The following ATOH1 variants were observed in gnomAD, a reference collection of about 807,000 sequenced individuals.
ATOH1 encodes transcription factor ATOH1.
A neutral mutation model predicts 20.7 loss-of-function variants in ATOH1; 9 were observed. That is an observed-to-expected ratio of 0.44 (90% CI 0.26 to 0.76). The LOEUF is 0.76. Ranked by LOEUF, ATOH1 falls within the 30% of genes least tolerant of loss-of-function variation. ATOH1 has a pLI of 0.20. For missense variants in ATOH1, 516 were observed against 479.3 expected (o/e 1.08, Z -0.71); for synonymous variants, 247 against 214.3 (o/e 1.15, Z -1.33).
At position 93,829,145 on chromosome 4, in the gene ATOH1, C is replaced by A. The variant is rs909352484; in HGVS notation, c.219C>A (p.Cys73Ter). The A allele has an allele frequency of 6.2e-7, 1 of 1,601,264 alleles. No homozygotes were observed. The highest frequency in any genetic ancestry group is 1.1e-5 in the South Asian group (1 of 89,746). ...TGGCTCCCACTTTGCAGGGCATCTGCACGGCACGCGCCGCCCAGTATTTGC... is the reference window on the plus strand; with the variant it reads ...TGGCTCCCACTTTGCAGGGCATCTGAACGGCACGCGCCGCCCAGTATTTGC... The part of the protein sequence containing the change: ...AWLAPTLQGI[C>*]TARAAQYLLH... Residue 73 changes from cysteine (C) to a stop codon, truncating the protein, a stop_gained, in exon 1 of 1, where the codon TGC becomes TGA. Transcript: ENST00000306011. LOFTEE classifies it high-confidence loss of function. This position sits in a 1 kb window ranked among gnomAD's most constrained non-coding sequence, Gnocchi z 4.5.
chr4:93,829,797 G>A lies in ATOH1; in HGVS notation c.871G>A (p.Ala291Thr), dbSNP rs147620158. 361 of 1,613,224 alleles carry A rather than the reference G, an allele frequency of 2.2e-4. 5 individuals carry two copies. Among genetic ancestry groups the A allele is most frequent in the Middle Eastern group, 1.6e-4 (1 of 6,084 alleles). The change falls in exon 1 of 1, where the codon GCT becomes ACT. Residue 291 changes from alanine to threonine, a missense_variant. Physicochemically the swap from Ala to Thr is moderately conservative, Grantham distance 58. Transcript: ENST00000306011. This position sits in a 1 kb window ranked among gnomAD's most constrained non-coding sequence, Gnocchi z 4.5. ...SAGGYSVQLD[A>T]LHFSTFEDSA... Reference sequence around the variant, plus strand: ...GGGAGGGTACTCGGTGCAGCTGGACGCTCTGCACTTCTCGACTTTCGAGGA... The same window carrying A: ...GGGAGGGTACTCGGTGCAGCTGGACACTCTGCACTTCTCGACTTTCGAGGA...
At position 93,830,365 on chromosome 4, in the gene ATOH1, T is replaced by C. The variant is rs578065567; in HGVS notation, c.*374T>C. 1.6e-5 allele frequency: 3 copies of C among 188,666 alleles called. No individual in the cohort carries two copies. The highest frequency in any genetic ancestry group is 3.6e-5 in the Non-Finnish European group (3 of 82,944). The allele number at this position is 188,666 out of a possible 1,614,324, so 11.7% of individuals were successfully genotyped here. ...ATCTTCTCTGTCACTGGTTTGGGTT[T>C]AATTTATTTTACGCCCTGGGCATCC... On this transcript the variant is annotated 3_prime_UTR_variant, in exon 1 of 1. Transcript: ENST00000306011.
At position 93,829,269 on chromosome 4, in the gene ATOH1, A is replaced by G. The variant is rs1030719508; in HGVS notation, c.343A>G (p.Ser115Gly). 6.2e-7 allele frequency: 1 copy of G among 1,601,878 alleles called. No homozygotes were observed. Among genetic ancestry groups the G allele is most frequent in the African/African-American group, 1.3e-5 (1 of 74,806 alleles). Residue 115 changes from serine to glycine, a missense_variant, in exon 1 of 1, where the codon AGC becomes GGC. Transcript: ENST00000306011. The surrounding 1 kb of genome is among the most constrained non-coding windows in gnomAD (Gnocchi z 4.5). ...AAGGAGGAGCAGCGGCGGTGCCAGC[A>G]GCAGCAAGAGCCCCGGGCCGGTGAA... Reference protein sequence around the residue: ...LVRRSSGGASSSKSPGPVKVR... With the variant: ...LVRRSSGGASGSKSPGPVKVR...
chr4:93,830,282 C>G lies in ATOH1; in HGVS notation c.*291C>G, dbSNP rs913618055. 3.5e-5 allele frequency: 13 copies of G among 370,252 alleles called. No individual in the cohort carries two copies. In the South Asian group the frequency reaches 7.8e-4, roughly 22 times the overall value. 22.9% of individuals were successfully genotyped at this position (370,252 alleles called of 1,614,324 possible). On this transcript the variant is annotated 3_prime_UTR_variant, in exon 1 of 1. Transcript: ENST00000306011. The stretch of plus-strand genomic sequence containing the variant: ...GATAGATACGGTATAATTGTAGGTA[C>G]CCGTATATGGCATCATTATTCTAGT...
At position 93,828,934 on chromosome 4, in the gene ATOH1, G is replaced by T. The variant is rs1308986937; in HGVS notation, c.8G>T (p.Arg3Leu). MS[R>L]LLHAEEWAEV... ...CCGAGCCTTTGCAGTGCAATGTCCC[G>T]CCTGCTGCATGCAGAAGAGTGGGCT... Residue 3 changes from arginine to leucine, a missense_variant, in exon 1 of 1, where the codon CGC (arginine) becomes CTC (leucine). Arg to Leu is a moderately radical substitution (Grantham distance 102, BLOSUM62 -2). Transcript: ENST00000306011. The T allele has an allele frequency of 1.3e-6, 2 of 1,594,098 alleles. No individual in the cohort carries two copies. Among genetic ancestry groups the T allele is most frequent in the Non-Finnish European group, 8.6e-7 (1 of 1,169,208 alleles).
rs573894468 is a variant in ATOH1, at chr4:93,829,664, G to C, written c.738G>C (p.Gly246=). The change falls in exon 1 of 1, where the codon GGG becomes GGC. Residue 246 remains glycine, a synonymous_variant. Transcript: ENST00000306011. The surrounding 1 kb of genome is among the most constrained non-coding windows in gnomAD (Gnocchi z 4.5). ...TTCGCACCGCGGCCTCCTATGAAGG[G>C]GGCGCGGGCAACGCGACCGCAGCTG... ...HHLRTAASYE[G]GAGNATAAGA... is the part of the protein sequence containing the mutation. 11 of 1,578,208 alleles carry C rather than the reference G, an allele frequency of 7.0e-6. No homozygotes were observed. The highest frequency in any genetic ancestry group is 2.7e-5 in the African/African-American group (2 of 73,614).
Position 93,828,887 on chromosome 4 carries a change from T to A in ATOH1, c.-40T>A, listed in dbSNP as rs1334582203. ...TTTTTTGGTTGAGCTGGTGTCCCAG[T>A]GCTGCCTCCGATCCTGAGCCTCCGA... is the stretch of plus-strand genomic sequence containing the variant. On this transcript the variant is annotated 5_prime_UTR_variant, in exon 1 of 1. Coordinates refer to ENST00000306011, the MANE Select transcript of ATOH1 (RefSeq NM_005172.2). 6.5e-7 allele frequency: 1 copy of A among 1,530,056 alleles called. No homozygotes were observed. 94.8% of individuals were successfully genotyped at this position (1,530,056 alleles called of 1,614,324 possible). A position where few individuals can be genotyped will look rare whatever the true frequency, so the allele number is the denominator to read the frequency against.
In ATOH1 at chr4:93,828,969, G is replaced by C; in HGVS notation, c.43G>C (p.Glu15Gln). Residue 15 changes from glutamate to glutamine, a missense_variant, in exon 1 of 1, where the codon GAG becomes CAG. Glu to Gln is a conservative substitution (Grantham distance 29). Coordinates refer to ENST00000306011, the MANE Select transcript of ATOH1 (RefSeq NM_005172.2). Reference sequence around the variant, plus strand: ...TGCAGAAGAGTGGGCTGAAGTGAAGGAGTTGGGAGACCACCATCGCCAGCC... The same window carrying C: ...TGCAGAAGAGTGGGCTGAAGTGAAGCAGTTGGGAGACCACCATCGCCAGCC... The part of the protein sequence containing the change: ...LHAEEWAEVK[E>Q]LGDHHRQPQP... The C allele has an allele frequency of 2.5e-6, 4 of 1,611,478 alleles. No homozygotes were observed. The highest frequency in any genetic ancestry group is 3.4e-6 in the Non-Finnish European group (4 of 1,178,678).
At position 93,829,719 on chromosome 4, in the gene ATOH1, C is replaced by A. The variant is rs766059965; in HGVS notation, c.793C>A (p.Arg265=). The part of the protein sequence containing the change: ...GAQQASGGSQ[R]PTPPGSCRTR... Reference sequence around the variant, plus strand: ...TCAGCAGGCTTCCGGAGGGAGCCAGCGGCCGACCCCGCCCGGGAGTTGCCG... The same window carrying A: ...TCAGCAGGCTTCCGGAGGGAGCCAGAGGCCGACCCCGCCCGGGAGTTGCCG... Residue 265 remains arginine, a synonymous_variant, in exon 1 of 1, where the codon CGG becomes AGG. Coordinates refer to ENST00000306011, the MANE Select transcript of ATOH1 (RefSeq NM_005172.2). The surrounding 1 kb of genome is among the most constrained non-coding windows in gnomAD (Gnocchi z 4.5). 10 of 1,569,130 alleles carry A rather than the reference C, an allele frequency of 6.4e-6. No individual in the cohort carries two copies. The highest frequency in any genetic ancestry group is 5.5e-5 in the Admixed American group (3 of 54,146).
Position 93,829,923 on chromosome 4 carries a change from C to G in ATOH1, c.997C>G (p.Arg333Gly). 6.2e-7 allele frequency: 1 copy of G among 1,614,008 alleles called. No homozygotes were observed. ...GGAGGAAAACAGCAAAACTTCGCCTCGGTCCCACAGAAGCGACGGGGAATT... is the reference window on the plus strand; with the variant it reads ...GGAGGAAAACAGCAAAACTTCGCCTGGGTCCCACAGAAGCGACGGGGAATT... ...VQEENSKTSP[R>G]SHRSDGEFSP... Residue 333 changes from arginine to glycine, a missense_variant, in exon 1 of 1, where the codon CGG (arginine) becomes GGG (glycine). Arg to Gly is a moderately radical substitution (Grantham distance 125). Coordinates refer to ENST00000306011, the MANE Select transcript of ATOH1 (RefSeq NM_005172.2). This position sits in a 1 kb window ranked among gnomAD's most constrained non-coding sequence, Gnocchi z 4.5.
rs746909201 is a variant in ATOH1 at position 93,829,016 on chromosome 4, ACCG to A, written c.104_106del (p.Pro35del). 15 of 1,611,480 alleles carry A rather than the reference ACCG, an allele frequency of 9.3e-6. No individual in the cohort carries two copies. The African/African-American group carries it at 1.1e-4, about 11-fold the overall frequency. On this transcript the variant is annotated inframe_deletion, in exon 1 of 1. Coordinates refer to ENST00000306011, the MANE Select transcript of ATOH1 (RefSeq NM_005172.2). The surrounding 1 kb of genome is among the most constrained non-coding windows in gnomAD (Gnocchi z 4.5). Reference sequence around the variant, plus strand: ...AGCCCCAGCCGCATCATCTCCCGCAACCGCCGCCGCCGCCGCAGCCACCTGCAA... The same window carrying A: ...AGCCCCAGCCGCATCATCTCCCGCAACCGCCGCCGCCGCAGCCACCTGCAA...
rs1735415887 is a variant in ATOH1 at position 93,830,224 on chromosome 4, T to TGGGG, written c.*234_*235insGGGG. On this transcript the variant is annotated 3_prime_UTR_variant, in exon 1 of 1. Transcript: ENST00000306011. ...TGATGAAAACTTTCTGTTAAAATTG[T>TGGGG]GTCCTTTCCGCCCACCTTCTGCTCC... The TGGGG allele has an allele frequency of 5.6e-6, 5 of 897,748 alleles. No individual in the cohort carries two copies. Among genetic ancestry groups the TGGGG allele is most frequent in the Non-Finnish European group, 6.2e-6 (4 of 642,420 alleles). The allele number at this position is 897,748 out of a possible 1,614,324, so 55.6% of individuals were successfully genotyped here.
At position 93,829,096 on chromosome 4, in the gene ATOH1, A is replaced by G. The variant is rs1355825961; in HGVS notation, c.170A>G (p.Asp57Gly). ...TACCCGCCTGAGCTGTCCCTCCTGG[A>G]CAGCACCGACCCACGCGCCTGGCTG... ...PVYPPELSLL[D>G]STDPRAWLAP... The change falls in exon 1 of 1, where the codon GAC becomes GGC. Residue 57 changes from aspartate to glycine, a missense_variant. By Grantham distance (94) the Asp-to-Gly change is moderately conservative. Transcript: ENST00000306011. The surrounding 1 kb of genome is among the most constrained non-coding windows in gnomAD (Gnocchi z 4.5). The G allele has an allele frequency of 5.0e-6, 8 of 1,612,990 alleles. No homozygotes were observed. In the South Asian group the frequency reaches 6.6e-5, roughly 13 times the overall value.
Position 93,828,782 on chromosome 4 carries a change from T to C in ATOH1, c.-145T>C. 1.1e-6 allele frequency: 1 copy of C among 874,094 alleles called. No homozygotes were observed. Among genetic ancestry groups the C allele is most frequent in the Non-Finnish European group, 1.7e-6 (1 of 594,210 alleles). 54.1% of individuals were successfully genotyped at this position (874,094 alleles called of 1,614,324 possible). A position where few individuals can be genotyped will look rare whatever the true frequency, so the allele number is the denominator to read the frequency against. ...AAGCATAGTTGCACGCGACCTGGTG[T>C]GTGATCTCCGAGTGGGTGGGGGAGG... On this transcript the variant is annotated 5_prime_UTR_variant, in exon 1 of 1. Transcript: ENST00000306011.
rs1735414717 is a variant in ATOH1 at position 93,830,120 on chromosome 4, AC to A, written c.*130del. 1 of 1,423,090 alleles carries A rather than the reference AC, an allele frequency of 7.0e-7. No individual in the cohort carries two copies. Among genetic ancestry groups the A allele is most frequent in the African/African-American group, 1.5e-5 (1 of 68,778 alleles). 88.2% of individuals were successfully genotyped at this position (1,423,090 alleles called of 1,614,324 possible). On this transcript the variant is annotated 3_prime_UTR_variant, in exon 1 of 1. Coordinates refer to ENST00000306011, the MANE Select transcript of ATOH1 (RefSeq NM_005172.2). ...CTGCGATGGTCGTTGTTTAGCAACG[AC>A]TTGGCTTCAGATGGCAGCTACATTT...
In ATOH1 at chr4:93,829,849, A is replaced by G; in HGVS notation, c.923A>G (p.Gln308Arg). Reference sequence around the variant, plus strand: ...AGCGCCCTGACAGCGATGATGGCGCAAAAGAATTTGTCTCCTTCTCTCCCC... The same window carrying G: ...AGCGCCCTGACAGCGATGATGGCGCGAAAGAATTTGTCTCCTTCTCTCCCC... Reference protein sequence around the residue: ...EDSALTAMMAQKNLSPSLPGS... With the variant: ...EDSALTAMMARKNLSPSLPGS... The change falls in exon 1 of 1, where the codon CAA (glutamine) becomes CGA (arginine). Residue 308 changes from glutamine (Q) to arginine (R), a missense_variant. Coordinates refer to ENST00000306011, the MANE Select transcript of ATOH1 (RefSeq NM_005172.2). This position sits in a 1 kb window ranked among gnomAD's most constrained non-coding sequence, Gnocchi z 4.5. 6.2e-7 allele frequency: 1 copy of G among 1,614,076 alleles called. No homozygotes were observed. The highest frequency in any genetic ancestry group is 8.5e-7 in the Non-Finnish European group (1 of 1,180,030).
rs1349941732 is a variant in ATOH1, at chr4:93,828,883, C to T, written c.-44C>T. The T allele has an allele frequency of 6.6e-7, 1 of 1,525,038 alleles. No homozygotes were observed. The highest frequency in any genetic ancestry group is 1.3e-5 in the South Asian group (1 of 76,800). 94.5% of individuals were successfully genotyped at this position (1,525,038 alleles called of 1,614,324 possible). ...CCTTTTTTTTGGTTGAGCTGGTGTC[C>T]CAGTGCTGCCTCCGATCCTGAGCCT... is the stretch of plus-strand genomic sequence containing the variant. On this transcript the variant is annotated 5_prime_UTR_variant, in exon 1 of 1. Transcript: ENST00000306011.
At position 93,829,840 on chromosome 4, in the gene ATOH1, T is replaced by A; in HGVS notation, c.914T>A (p.Met305Lys). 1 of 1,614,064 alleles carries A rather than the reference T, an allele frequency of 6.2e-7. No homozygotes were observed. Among genetic ancestry groups the A allele is most frequent in the Non-Finnish European group, 8.5e-7 (1 of 1,180,034 alleles). Residue 305 changes from methionine (M) to lysine (K), a missense_variant, in exon 1 of 1, where the codon ATG becomes AAG. By Grantham distance (95) the Met-to-Lys change is moderately conservative. Coordinates refer to ENST00000306011, the MANE Select transcript of ATOH1 (RefSeq NM_005172.2). This position sits in a 1 kb window ranked among gnomAD's most constrained non-coding sequence, Gnocchi z 4.5. ...TTCGAGGACAGCGCCCTGACAGCGATGATGGCGCAAAAGAATTTGTCTCCT... is the reference window on the plus strand; with the variant it reads ...TTCGAGGACAGCGCCCTGACAGCGAAGATGGCGCAAAAGAATTTGTCTCCT... ...STFEDSALTA[M>K]MAQKNLSPSL...
In ATOH1 at chr4:93,829,213, G is replaced by C; in HGVS notation, c.287G>C (p.Arg96Pro). 2.5e-6 allele frequency: 4 copies of C among 1,583,980 alleles called. No homozygotes were observed. Among genetic ancestry groups the C allele is most frequent in the Non-Finnish European group, 3.4e-6 (4 of 1,163,976 alleles). The change falls in exon 1 of 1, where the codon CGG (arginine) becomes CCG (proline). Residue 96 changes from arginine (R) to proline (P), a missense_variant. By Grantham distance (103) the Arg-to-Pro change is moderately radical. Coordinates refer to ENST00000306011, the MANE Select transcript of ATOH1 (RefSeq NM_005172.2). This position sits in a 1 kb window ranked among gnomAD's most constrained non-coding sequence, Gnocchi z 4.5. ...GGTGCCTCAGAGGCCGCTGCGCCCCGGGACGAGGTGGACGGCCGGGGGGAG... is the reference window on the plus strand; with the variant it reads ...GGTGCCTCAGAGGCCGCTGCGCCCCCGGACGAGGTGGACGGCCGGGGGGAG... Reference protein sequence around the residue: ...ELGASEAAAPRDEVDGRGELV... With the variant: ...ELGASEAAAPPDEVDGRGELV...
Sources: allele counts gnomAD v4.1 joint callset, GRCh38; gene constraint gnomAD v4.1.1; non-coding constraint Gnocchi (gnomAD v3.1); transcripts MANE v1.5; gene names NCBI Gene and HGNC (gene_info 2026-07-23, HGNC 2026-07-21).